Variants in FBN3 observed in about 807,000 individuals in gnomAD.
FBN3 encodes fibrillin 3, also known as fibrillin-3.
Under a neutral mutation model 330.1 loss-of-function variants are expected in FBN3, and 234 were observed. That is an observed-to-expected ratio of 0.71 (90% CI 0.64 to 0.79). FBN3 has a LOEUF of 0.79. Among genes scored for constraint, FBN3 ranks in the 30% least tolerant of loss-of-function variants. The pLI, the probability that FBN3 is intolerant of heterozygous loss-of-function variation, is 0.00. For synonymous variants in FBN3, 1,458 were observed against 1,517.3 expected (o/e 0.96, Z 0.91); for missense variants, 3,606 against 3,886.9 (o/e 0.93, Z 1.92).
Position 8,131,631 on chromosome 19 carries a change from G to C in FBN3, c.1913C>G (p.Thr638Ser). Reference sequence around the variant, plus strand: ...ATTGGCACAGCAGCACTCGGACTTGGTGACAGTGCCAGGGAAGGGGCGGGC... The same window carrying C: ...ATTGGCACAGCAGCACTCGGACTTGCTGACAGTGCCAGGGAAGGGGCGGGC... Reference protein sequence around the residue: ...SCARPFPGTVTKSECCCANPD... With the variant: ...SCARPFPGTVSKSECCCANPD... The change falls in exon 15 of 64, where the codon ACC (threonine) becomes AGC (serine). Residue 638 changes from threonine to serine, a missense_variant. Physicochemically the swap from Thr to Ser is moderately conservative, Grantham distance 58. Transcript: ENST00000600128. The surrounding 1 kb of genome is among the most constrained non-coding windows in gnomAD (Gnocchi z 4.5). The C allele has an allele frequency of 1.2e-6, 2 of 1,614,214 alleles. No homozygotes were observed. The highest frequency in any genetic ancestry group is 2.7e-5 in the African/African-American group (2 of 75,072).
At chr19:8,081,785 T>C (rs967195934) in intron 57 of FBN3, among the ~76,000 whole-genome samples, 4 of 152,178 alleles carry the variant, frequency 2.6e-5, no homozygotes, top group Non-Finnish European at 5.9e-5. Context: ...GGGCCAGACT[T>C]GACCCTCGGG....
rs764993732 is a variant in FBN3 at position 8,109,414 on chromosome 19, G to A, written c.4457-26C>T. ...CTGAACAGGCAGAAGGGGATGGTTAGTAGGTGTCAGAGGGAAAGCTGTATG... is the reference window on the plus strand; with the variant it reads ...CTGAACAGGCAGAAGGGGATGGTTAATAGGTGTCAGAGGGAAAGCTGTATG... On this transcript the variant is annotated intron_variant, in intron 35 of 63. Transcript: ENST00000600128. The surrounding 1 kb of genome is among the most constrained non-coding windows in gnomAD (Gnocchi z 5.2). 6.2e-7 allele frequency: 1 copy of A among 1,613,758 alleles called. No homozygotes were observed. Among genetic ancestry groups the A allele is most frequent in the Non-Finnish European group, 8.5e-7 (1 of 1,179,690 alleles).
Position 8,121,242 on chromosome 19 carries a change from C to T in FBN3, c.3211+16G>A, listed in dbSNP as rs146053665. 17 of 1,582,110 alleles carry T rather than the reference C, an allele frequency of 1.1e-5. No individual in the cohort carries two copies. The highest frequency in any genetic ancestry group is 1.7e-4 in the Middle Eastern group (1 of 5,916). ...GCCCAGGGCGCCCACCACACCCCTG[C>T]CCGGCAGTCACCGACCCATGCAGTT... On this transcript the variant is annotated intron_variant, in intron 25 of 63. Coordinates refer to ENST00000600128, the MANE Select transcript of FBN3 (RefSeq NM_032447.5). The surrounding 1 kb of genome is among the most constrained non-coding windows in gnomAD (Gnocchi z 4.5).
chr19:8,128,766 C>T (rs1157340664), intron 18 of FBN3, among the ~76,000 whole-genome samples: 3 of 152,042 alleles, frequency 2.0e-5, no homozygotes, highest in Non-Finnish European at 4.4e-5. Flanking sequence ...ACACATGCAA[C>T]GTGCATGTCT....
At position 8,131,384 on chromosome 19, in the gene FBN3, GA is replaced by G. The variant is rs2083142409; in HGVS notation, c.1991-97del. On this transcript the variant is annotated intron_variant, in intron 15 of 63. Transcript: ENST00000600128. The surrounding 1 kb of genome is among the most constrained non-coding windows in gnomAD (Gnocchi z 4.5). ...GATGAGGCCCTCTGGTCTTGGGCAA[GA>G]GTTTGGGACTAAGACACAACTCCAA... The G allele has an allele frequency of 6.6e-7, 1 of 1,507,674 alleles. No homozygotes were observed. The highest frequency in any genetic ancestry group is 1.8e-5 in the Admixed American group (1 of 55,438). The allele number at this position is 1,507,674 out of a possible 1,614,324, so 93.4% of individuals were successfully genotyped here. A position where few individuals can be genotyped will look rare whatever the true frequency, so the allele number is the denominator to read the frequency against.
rs149673073 is a variant in FBN3 at position 8,125,903 on chromosome 19, C to T, written c.2720G>A (p.Arg907Gln). 1.9e-5 allele frequency: 30 copies of T among 1,611,852 alleles called. No homozygotes were observed. In the African/African-American group the frequency reaches 2.1e-4, roughly 11 times the overall value. The change falls in exon 22 of 64, where the codon CGG becomes CAG. Residue 907 changes from arginine (R) to glutamine (Q), a missense_variant. Arg to Gln is a conservative substitution (Grantham distance 43). Coordinates refer to ENST00000600128, the MANE Select transcript of FBN3 (RefSeq NM_032447.5). Reference protein sequence around the residue: ...PEGLMLDASGRLCVDVRLEPC... With the variant: ...PEGLMLDASGQLCVDVRLEPC... ...TCGCCTGGACTCACCCACGCACAGC[C>T]GGCCTGAGGCGTCCAGCATCAGGCC...
intron 59 of FBN3, among the ~76,000 whole-genome samples, chr19:8,077,355 G>C (rs1485503919): frequency 6.6e-6 from 1 of 152,132 alleles, no homozygotes; most frequent in Non-Finnish European, 1.5e-5. Context: ...AGTCTCTCTT[G>C]GGGTCGGGCA....
At chr19:8,146,008 C>T in intron 4 of FBN3, 70 bp from the exon 5 acceptor site, 2 of 1,488,146 alleles carry the variant, frequency 1.3e-6, no homozygotes, top group South Asian at 2.4e-5. Context: ...AGGAAGGCTG[C>T]AGGACTAGGC....
chr19:8,094,942 T>C (rs1398858842), intron 46 of FBN3, among the ~76,000 whole-genome samples: 1 of 152,162 alleles, frequency 6.6e-6, no homozygotes, highest in African/African-American at 2.4e-5. Context: ...CATAGAAACA[T>C]AGGTTTGATG....
At chr19:8,144,037 T>C (rs7252385) in intron 6 of FBN3, among the ~76,000 whole-genome samples, 46,698 of 151,476 alleles carry the variant, frequency 0.31, 7,876 homozygotes, top group South Asian at 0.48. Flanking sequence ...CTCAAACTCC[T>C]GGTACATCCA....
In FBN3 at chr19:8,129,805, C is replaced by A. The variant is rs1366518530; in HGVS notation, c.2045-440G>T. Among the ~76,000 whole-genome samples, 5 of 152,164 alleles carry A rather than the reference C, an allele frequency of 3.3e-5. No individual in the cohort carries two copies. The highest frequency in any genetic ancestry group is 5.9e-5 in the Non-Finnish European group (4 of 68,036). ...AGATATGATGGCTGTCACCTATAAT[C>A]CCACCACTTTGGGAGGCTGAGGTGG... On this transcript the variant is annotated intron_variant, in intron 16 of 63. Coordinates refer to ENST00000600128, the MANE Select transcript of FBN3 (RefSeq NM_032447.5). The surrounding 1 kb of genome is among the most constrained non-coding windows in gnomAD (Gnocchi z 4.5).
chr19:8,099,276 A>ATTTTTTTTTTTTTTTTTTTTTTTTTTTTT (rs386388494), intron 41 of FBN3, among the ~76,000 whole-genome samples: 1 of 98,880 alleles, frequency 1.0e-5, no homozygotes, highest in Non-Finnish European at 1.9e-5. Flanking sequence ...TCATGGTTTG[A>ATTTTTTTTTTTTTTTTTTTTTTTTTTTTT]TTTTTTTTTT....
At position 8,103,546 on chromosome 19, in the gene FBN3, T is replaced by C. The variant is rs1487724263; in HGVS notation, c.4939+16A>G. On this transcript the variant is annotated intron_variant, in intron 39 of 63. Coordinates refer to ENST00000600128, the MANE Select transcript of FBN3 (RefSeq NM_032447.5). Reference sequence around the variant, plus strand: ...CTTCTGTGACTGCCAGTTCCCTAGGTCATCACGCTTCTTACCCATGCAGTT... The same window carrying C: ...CTTCTGTGACTGCCAGTTCCCTAGGCCATCACGCTTCTTACCCATGCAGTT... 1 of 1,610,468 alleles carries C rather than the reference T, an allele frequency of 6.2e-7. No individual in the cohort carries two copies. Among genetic ancestry groups the C allele is most frequent in the African/African-American group, 1.3e-5 (1 of 74,824 alleles).
chr19:8,116,878 G>C, intron 28 of FBN3, 79 bp from the exon 29 acceptor site: 1 of 1,530,782 alleles, frequency 6.5e-7, no homozygotes, highest in South Asian at 1.2e-5. Context: ...CCAGGCCCCA[G>C]GACGACCTGT....
rs1167341383 is a variant in FBN3 at position 8,096,923 on chromosome 19, A to G, written c.5371T>C (p.Cys1791Arg). 6.2e-7 allele frequency: 1 copy of G among 1,613,692 alleles called. No individual in the cohort carries two copies. Among genetic ancestry groups the G allele is most frequent in the Non-Finnish European group, 8.5e-7 (1 of 1,180,038 alleles). Residue 1791 changes from cysteine to arginine, a missense_variant, in exon 43 of 64, where the codon TGC becomes CGC. Transcript: ENST00000600128. This position sits in a 1 kb window ranked among gnomAD's most constrained non-coding sequence, Gnocchi z 4.6. ...GGCGACAGTTTGTACCCTCGGGTGCACTTGCAGCGGTAGCTACCGGGGATG... is the reference window on the plus strand; with the variant it reads ...GGCGACAGTTTGTACCCTCGGGTGCGCTTGCAGCGGTAGCTACCGGGGATG... Reference protein sequence around the residue: ...INIPGSYRCKCTRGYKLSPGG... With the variant: ...INIPGSYRCKRTRGYKLSPGG...
chr19:8,100,992 G>A lies in FBN3; in HGVS notation c.5090-20C>T. On this transcript the variant is annotated intron_variant, in intron 40 of 63. Coordinates refer to ENST00000600128, the MANE Select transcript of FBN3 (RefSeq NM_032447.5). ...AGTCAGCTGCGCAAAGGGGAACAAAGCTGAGTCTGGGGCTGCAGGCCTGAC... is the reference window on the plus strand; with the variant it reads ...AGTCAGCTGCGCAAAGGGGAACAAAACTGAGTCTGGGGCTGCAGGCCTGAC... 6.2e-7 allele frequency: 1 copy of A among 1,607,268 alleles called. No individual in the cohort carries two copies. Among genetic ancestry groups the A allele is most frequent in the East Asian group, 2.2e-5 (1 of 44,578 alleles).
chr19:8,086,181 C>T lies in FBN3; in HGVS notation c.6880+19G>A, dbSNP rs747574587. The T allele has an allele frequency of 3.0e-5, 45 of 1,491,640 alleles. No homozygotes were observed. In the South Asian group the frequency reaches 3.7e-4, roughly 12 times the overall value. The allele number at this position is 1,491,640 out of a possible 1,614,324, so 92.4% of individuals were successfully genotyped here. A position where few individuals can be genotyped will look rare whatever the true frequency, so the allele number is the denominator to read the frequency against. Reference sequence around the variant, plus strand: ...ATGGTAGGTGGTTGCAACCACTGTGCGTGTCCAGCCACACTCACCGTGGCA... The same window carrying T: ...ATGGTAGGTGGTTGCAACCACTGTGTGTGTCCAGCCACACTCACCGTGGCA... On this transcript the variant is annotated intron_variant, in intron 55 of 63. Coordinates refer to ENST00000600128, the MANE Select transcript of FBN3 (RefSeq NM_032447.5).
intron 6 of FBN3, among the ~76,000 whole-genome samples, chr19:8,143,104 G>GTTCTCT (rs1020324893): frequency 6.6e-6 from 1 of 152,116 alleles, no homozygotes; most frequent in African/African-American, 2.4e-5. Context: ...ACCCACTCCG[G>GTTCTCT]TTCTCTTTCT....
At chr19:8,147,942 C>T (rs1226151648) in intron 1 of FBN3, among the ~76,000 whole-genome samples, 1 of 151,808 alleles carries the variant, frequency 6.6e-6, no homozygotes, top group Non-Finnish European at 1.5e-5. Context: ...GGGGGGGAAA[C>T]AGGGTGTCAG....
Sources: gnomAD v4.1 joint callset for allele counts (sites outside exome capture counted in the v4.1 genomes callset) on GRCh38, gnomAD v4.1.1 for gene constraint, Gnocchi (gnomAD v3.1) non-coding constraint, MANE v1.5 for transcripts, NCBI Gene and HGNC (gene_info 2026-07-23, HGNC 2026-07-21) for gene names.